GIPC1: variants seen among roughly 807,000 people sequenced by gnomAD.
GIPC1 encodes the protein PDZ domain-containing protein GIPC1.
GIPC1 carries 15 observed loss-of-function variants against 28.5 expected under a neutral mutation model. That is an observed-to-expected ratio of 0.53 (90% CI 0.35 to 0.81). GIPC1 has a LOEUF of 0.81. Ranked by LOEUF, GIPC1 falls within the 30% of genes least tolerant of loss-of-function variation. The probability of loss-of-function intolerance (pLI) is 0.01; values close to 1 mark genes in which losing one functional copy is unlikely to be tolerated. For missense variants in GIPC1, 439 were observed against 481.9 expected (o/e 0.91, Z 0.83); for synonymous variants, 224 against 206.1 (o/e 1.09, Z -0.74).
At position 14,493,630 on chromosome 19, in the gene GIPC1, G is replaced by A. The variant is rs575430129; in HGVS notation, c.-174-718C>T. ...GCACCACCACATCCGGCTAATTTTT[G>A]TATTTTTATTTTGTATTTGTTTATT... On this transcript the variant is annotated intron_variant, in intron 1 of 8. Coordinates refer to ENST00000393033, the MANE Select transcript of GIPC1 (RefSeq NM_005716.4). Among the ~76,000 whole-genome samples, 5 of 151,576 alleles carry A rather than the reference G, an allele frequency of 3.3e-5. No individual in the cohort carries two copies. In the East Asian group the frequency reaches 9.7e-4, roughly 29 times the overall value.
chr19:14,480,489 C>CG lies in GIPC1; in HGVS notation c.475-5dup. On this transcript the variant is annotated splice_region_variant and splice_polypyrimidine_tract_variant and intron_variant, in intron 5 of 8. Coordinates refer to ENST00000393033, the MANE Select transcript of GIPC1 (RefSeq NM_005716.4). The stretch of plus-strand genomic sequence containing the variant: ...TCACGCTGCCCTCCTTGATGCGCTG[C>CG]GGGGGCGGGGAGTCATCAGCCCTTG... 6.2e-7 allele frequency: 1 copy of CG among 1,608,802 alleles called. No individual in the cohort carries two copies.
Position 14,478,571 on chromosome 19 carries a change from T to C in GIPC1, c.851-4A>G. On this transcript the variant is annotated splice_polypyrimidine_tract_variant and splice_region_variant and intron_variant, in intron 8 of 8. Transcript: ENST00000393033. This position sits in a 1 kb window ranked among gnomAD's most constrained non-coding sequence, Gnocchi z 5.2. ...CCCAGCTCCACCATGGTGGCCGCTA[T>C]TGGGGGAGGGGTCAGAACGGAGGCA... 1.9e-6 allele frequency: 3 copies of C among 1,613,928 alleles called. No homozygotes were observed. The highest frequency in any genetic ancestry group is 1.3e-5 in the African/African-American group (1 of 75,026).
chr19:14,492,369 C>G (rs368599016), intron 2 of GIPC1, among the ~76,000 whole-genome samples: 2 of 151,976 alleles, frequency 1.3e-5, no homozygotes, highest in South Asian at 4.2e-4. Flanking sequence ...TGCAGTGGCA[C>G]GATCTCAGCT....
At position 14,478,790 on chromosome 19, in the gene GIPC1, C is replaced by T. The variant is rs1568359404; in HGVS notation, c.769-25G>A. The T allele has an allele frequency of 5.3e-6, 8 of 1,519,426 alleles. No individual in the cohort carries two copies. The highest frequency in any genetic ancestry group is 2.3e-5 in the East Asian group (1 of 44,380). The allele number at this position is 1,519,426 out of a possible 1,614,324, so 94.1% of individuals were successfully genotyped here. On this transcript the variant is annotated intron_variant, in intron 7 of 8. Transcript: ENST00000393033. The surrounding 1 kb of genome is among the most constrained non-coding windows in gnomAD (Gnocchi z 5.2). ...GCTGGGGGCCAGGGAGGGGTGACAG[C>T]GACATCATAACAATGTGAATATACA...
rs1293725652 is a variant in GIPC1 at position 14,478,758 on chromosome 19, G to T, written c.776C>A (p.Ala259Asp). The stretch of plus-strand genomic sequence containing the variant: ...CTTCTCAATGGCCTTCTCTTCAAAG[G>T]CAGAGGGCTGGGGGCCAGGGAGGGG... ...GPATVEDLPS[A>D]FEEKAIEKVD... The change falls in exon 8 of 9, where the codon GCC becomes GAC. Residue 259 changes from alanine to aspartate, a missense_variant. Transcript: ENST00000393033. The surrounding 1 kb of genome is among the most constrained non-coding windows in gnomAD (Gnocchi z 5.2). 6.2e-7 allele frequency: 1 copy of T among 1,612,464 alleles called. No individual in the cohort carries two copies. The highest frequency in any genetic ancestry group is 8.5e-7 in the Non-Finnish European group (1 of 1,178,822).
Position 14,493,826 on chromosome 19 carries a change from T to G in GIPC1, c.-174-914A>C, listed in dbSNP as rs562539759. Among the ~76,000 whole-genome samples, 12 of 151,400 alleles carry G rather than the reference T, an allele frequency of 7.9e-5. No homozygotes were observed. In the East Asian group the frequency reaches 2.3e-3, roughly 29 times the overall value. ...ACAGGCATGTGCCACCACGCCCAGC[T>G]TATTTTATATTTTTAGTAGAGACAG... On this transcript the variant is annotated intron_variant, in intron 1 of 8. Coordinates refer to ENST00000393033, the MANE Select transcript of GIPC1 (RefSeq NM_005716.4).
At chr19:14,484,602 CG>C (rs1369929878) in intron 3 of GIPC1, among the ~76,000 whole-genome samples, 4 of 151,242 alleles carry the variant, frequency 2.6e-5, no homozygotes, top group Admixed American at 6.6e-5. Flanking sequence ...AAAAATTAGC[CG>C]GGTGTGGTGG....
chr19:14,486,712 C>CTTTTTTTT (rs35491814), intron 3 of GIPC1, among the ~76,000 whole-genome samples: 9 of 124,754 alleles, frequency 7.2e-5, no homozygotes, highest in South Asian at 2.5e-4. Flanking sequence ...TTCTTTCTTT[C>CTTTTTTTT]TTTTTTTTTT....
chr19:14,481,867 C>T (rs2071736995), intron 4 of GIPC1: 1 of 152,302 alleles, frequency 6.6e-6, no homozygotes, highest in Non-Finnish European at 1.5e-5. Flanking sequence ...TTGCTCAAAC[C>T]CACTATTGCC....
rs1281819171 is a variant in GIPC1 at position 14,496,087 on chromosome 19, C to T, written c.-225G>A. The T allele has an allele frequency of 2.6e-5, 6 of 234,828 alleles. No individual in the cohort carries two copies. Among genetic ancestry groups the T allele is most frequent in the Non-Finnish European group, 4.0e-5 (5 of 124,286 alleles). The allele number at this position is 234,828 out of a possible 1,614,324, so 14.5% of individuals were successfully genotyped here. A position where few individuals can be genotyped will look rare whatever the true frequency, so the allele number is the denominator to read the frequency against. ...GCCGCCGCCGCCGCTGCCTCCGCCT[C>T]CCCGTGCGCACCCGGCTCGGCCCTC... On this transcript the variant is annotated 5_prime_UTR_variant, in exon 1 of 9. Coordinates refer to ENST00000393033, the MANE Select transcript of GIPC1 (RefSeq NM_005716.4).
rs1343497393 is a variant in GIPC1, at chr19:14,482,917, A to G, written c.60T>C (p.Ala20=). 6.2e-7 allele frequency: 1 copy of G among 1,608,792 alleles called. No individual in the cohort carries two copies. Among genetic ancestry groups the G allele is most frequent in the South Asian group, 1.1e-5 (1 of 90,454 alleles). Residue 20 remains alanine (A), a synonymous_variant, in exon 4 of 9, where the codon GCT becomes GCC. Coordinates refer to ENST00000393033, the MANE Select transcript of GIPC1 (RefSeq NM_005716.4). ...CGCCCAGCCCTCCACGGCCTGGCTC[A>G]GCCTCCTCATTTTCCACTAGAGGGG... is the stretch of plus-strand genomic sequence containing the variant. The part of the protein sequence containing the change: ...KAPPLVENEE[A]EPGRGGLGVG...
chr19:14,481,558 T>C (rs1039398527), intron 4 of GIPC1, among the ~76,000 whole-genome samples: 1 of 151,662 alleles, frequency 6.6e-6, no homozygotes, highest in Non-Finnish European at 1.5e-5. Flanking sequence ...CTGTCTCTAC[T>C]AAAAATACAA....
At position 14,478,929 on chromosome 19, in the gene GIPC1, G is replaced by A. The variant is rs1397362065; in HGVS notation, c.769-164C>T. Reference sequence around the variant, plus strand: ...CAGCTCATCCCCATTTTACTGATGGGCAAACTGCGGCCCATGTGCCCAAGG... The same window carrying A: ...CAGCTCATCCCCATTTTACTGATGGACAAACTGCGGCCCATGTGCCCAAGG... On this transcript the variant is annotated intron_variant, in intron 7 of 8. Transcript: ENST00000393033. This position sits in a 1 kb window ranked among gnomAD's most constrained non-coding sequence, Gnocchi z 5.2. 6.6e-6 allele frequency among the ~76,000 whole-genome samples: 1 copy of A among 152,180 alleles called. No homozygotes were observed.
chr19:14,480,663 T>G lies in GIPC1; in HGVS notation c.404A>C (p.Glu135Ala). 6.2e-7 allele frequency: 1 copy of G among 1,614,112 alleles called. No homozygotes were observed. The highest frequency in any genetic ancestry group is 8.5e-7 in the Non-Finnish European group (1 of 1,180,004). The change falls in exon 5 of 9, where the codon GAG (glutamate) becomes GCG (alanine). Residue 135 changes from glutamate (E) to alanine (A), a missense_variant. Coordinates refer to ENST00000393033, the MANE Select transcript of GIPC1 (RefSeq NM_005716.4). Reference sequence around the variant, plus strand: ...GAGTGCATCCTCCGACTTGAACACCTCCACCTCCTTGCGCTGCCCCTTCAC... The same window carrying G: ...GAGTGCATCCTCCGACTTGAACACCGCCACCTCCTTGCGCTGCCCCTTCAC... ...AHVKGQRKEV[E>A]VFKSEDALGL...
chr19:14,481,825 A>G (rs1232207094), intron 4 of GIPC1: 1 of 120,558 alleles, frequency 8.3e-6, no homozygotes, highest in Admixed American at 7.9e-5. Context: ...ACAGAAACTC[A>G]TCCCACTTAG....
At chr19:14,493,464 T>C (rs1200077690) in intron 1 of GIPC1, among the ~76,000 whole-genome samples, 1 of 143,466 alleles carries the variant, frequency 7.0e-6, no homozygotes, top group Non-Finnish European at 1.5e-5. Flanking sequence ...CTCTCTCTCT[T>C]TTTTTTTTTT....
intron 6 of GIPC1, chr19:14,479,821 AGCCTGAGTCTCCAGCT>A (rs2146459909): frequency 2.6e-6 from 1 of 391,692 alleles, no homozygotes; most frequent in South Asian, 5.3e-5. Flanking sequence ...GGTGTACCCC[AGCCTGAGTCTCCAGCT>A]GCCTGAGTCC....
intron 3 of GIPC1, among the ~76,000 whole-genome samples, chr19:14,485,375 C>T (rs2071812406): frequency 6.6e-6 from 1 of 151,026 alleles, no homozygotes; most frequent in Admixed American, 6.6e-5. Flanking sequence ...TATTGTAGGC[C>T]TGGTGCGATG....
intron 4 of GIPC1, 61 bp from the exon 5 acceptor site, chr19:14,480,839 T>C (rs1484527888): frequency 8.2e-7 from 1 of 1,217,756 alleles, no homozygotes; most frequent in Admixed American, 1.9e-5. Context: ...TAATCACCAC[T>C]GGAGGGCGAA....
Sources: allele counts gnomAD v4.1 joint callset (sites outside exome capture counted in the v4.1 genomes callset), GRCh38; gene constraint gnomAD v4.1.1; non-coding constraint Gnocchi (gnomAD v3.1); transcripts MANE v1.5; gene names NCBI Gene and HGNC (gene_info 2026-07-23, HGNC 2026-07-21).